ADAMTSL3: variants seen among roughly 807,000 people sequenced by gnomAD.
ADAMTSL3 encodes the protein ADAMTS-like protein 3.
In ADAMTSL3, 128 loss-of-function variants were observed where a neutral mutation model predicts 201.7. The ratio of observed to expected loss-of-function variants is 0.63; its 90% CI spans 0.55 to 0.73. The LOEUF (loss-of-function observed/expected upper bound fraction) is 0.73. ADAMTSL3 is among the 30% of genes least tolerant of loss of function. The pLI is 0.00. For synonymous variants in ADAMTSL3, 738 were observed against 748.4 expected (o/e 0.99, Z 0.23); for missense variants, 1,990 against 2,119.6 (o/e 0.94, Z 1.20).
chr15:83,997,641 T>C (rs1451250155), intron 23 of ADAMTSL3, among the ~76,000 whole-genome samples: 1 of 152,198 alleles, frequency 6.6e-6, no homozygotes, highest in Non-Finnish European at 1.5e-5. Context: ...CAAATATTAA[T>C]GTCCATTAAT....
At chr15:83,677,329 C>T (rs953635477) in intron 2 of ADAMTSL3, among the ~76,000 whole-genome samples, 8 of 152,102 alleles carry the variant, frequency 5.3e-5, no homozygotes, top group African/African-American at 1.9e-4. Context: ...TATAATCTTG[C>T]TGATTTTCTA....
In ADAMTSL3 at chr15:83,773,044, A is replaced by G. The variant is rs558943563; in HGVS notation, c.190-479A>G. 2.8e-4 allele frequency among the ~76,000 whole-genome samples: 42 copies of G among 152,320 alleles called. No homozygotes were observed. The South Asian group carries it at 8.5e-3, about 31-fold the overall frequency. On this transcript the variant is annotated intron_variant, in intron 3 of 29. Transcript: ENST00000286744. ...TATCTCGACAAAACCTTAAGGTGGA[A>G]AGGCATGCATGTGTCAACTGCTTTT...
intron 19 of ADAMTSL3, among the ~76,000 whole-genome samples, chr15:83,956,559 T>C (rs1190504103): frequency 1.3e-5 from 2 of 152,194 alleles, no homozygotes; most frequent in African/African-American, 4.8e-5. Context: ...AGTGTCTTTT[T>C]AGACTGAATC....
intron 15 of ADAMTSL3, among the ~76,000 whole-genome samples, chr15:83,907,404 TTGA>T (rs1287274009): frequency 6.6e-6 from 1 of 152,084 alleles, no homozygotes; most frequent in Non-Finnish European, 1.5e-5. Flanking sequence ...GTTGTTGTTG[TTGA>T]TGATTTTTCA....
intron 27 of ADAMTSL3, among the ~76,000 whole-genome samples, chr15:84,029,891 A>G (rs1247278888): frequency 6.6e-6 from 1 of 152,238 alleles, no homozygotes; most frequent in Admixed American, 6.5e-5. Flanking sequence ...AGGAACCAAC[A>G]TACAACTCAG....
chr15:83,855,044 G>C lies in ADAMTSL3; in HGVS notation c.728-3722G>C, dbSNP rs908436623. On this transcript the variant is annotated intron_variant, in intron 7 of 29. Transcript: ENST00000286744. Reference sequence around the variant, plus strand: ...GTGGACTTTGTGTGTGTGTGTGTCTGTGTGTGTGTGCATATGTGTCTATGT... The same window carrying C: ...GTGGACTTTGTGTGTGTGTGTGTCTCTGTGTGTGTGCATATGTGTCTATGT... Among the ~76,000 whole-genome samples the C allele has an allele frequency of 5.9e-5, 9 of 152,146 alleles. No individual in the cohort carries two copies. In the East Asian group the frequency reaches 9.6e-4, roughly 16 times the overall value.
At chr15:83,808,443 C>T (rs1304375253) in intron 5 of ADAMTSL3, among the ~76,000 whole-genome samples, 1 of 152,142 alleles carries the variant, frequency 6.6e-6, no homozygotes, top group Non-Finnish European at 1.5e-5. Context: ...CACCTCATTC[C>T]ACTTAAAATG....
intron 20 of ADAMTSL3, among the ~76,000 whole-genome samples, chr15:83,976,239 C>A (rs1051140968): frequency 6.6e-6 from 1 of 152,042 alleles, no homozygotes; most frequent in Non-Finnish European, 1.5e-5. Flanking sequence ...TTTCCAGCTA[C>A]CAATGTGATG....
In ADAMTSL3 at chr15:83,942,612, T is replaced by G. The variant is rs2066581484; in HGVS notation, c.2134T>G (p.Trp712Gly). The G allele has an allele frequency of 6.2e-7, 1 of 1,613,218 alleles. No homozygotes were observed. The highest frequency in any genetic ancestry group is 1.3e-5 in the African/African-American group (1 of 74,916). Residue 712 changes from tryptophan to glycine, a missense_variant, in exon 18 of 30, where the codon TGG becomes GGG. By Grantham distance (184) the Trp-to-Gly change is radical (BLOSUM62 -2). Coordinates refer to ENST00000286744, the MANE Select transcript of ADAMTSL3 (RefSeq NM_207517.3). ...CTGTTTTAGGTGGCATGTGGGCTCT[T>G]GGGGGCCCTGCTCAGCTACCTGTGG... ...PCPPRWHVGSWGPCSATCGVG... is the reference protein window; with the variant it reads ...PCPPRWHVGSGGPCSATCGVG...
chr15:83,787,527 T>C (rs2063283621), intron 4 of ADAMTSL3, among the ~76,000 whole-genome samples: 1 of 152,168 alleles, frequency 6.6e-6, no homozygotes, highest in Non-Finnish European at 1.5e-5. Flanking sequence ...AACATCATTT[T>C]TTTCAACAAT....
At chr15:83,700,064 C>T (rs990803438) in intron 2 of ADAMTSL3, among the ~76,000 whole-genome samples, 7 of 152,324 alleles carry the variant, frequency 4.6e-5, no homozygotes, top group East Asian at 3.9e-4. Flanking sequence ...TTGTATCTAT[C>T]GCACTGAGAA....
chr15:83,958,120 G>A (rs2066894470), intron 19 of ADAMTSL3, among the ~76,000 whole-genome samples: 2 of 152,170 alleles, frequency 1.3e-5, no homozygotes. Flanking sequence ...GCTGGGCAGC[G>A]ATAAAAAAGA....
chr15:83,756,599 GCC>G (rs35325384), intron 3 of ADAMTSL3, among the ~76,000 whole-genome samples: 4,136 of 142,782 alleles, frequency 0.029, 93 homozygotes, highest in Non-Finnish European at 0.043. Flanking sequence ...TTTCACCCCT[GCC>G]CCCCCCCCAA....
At chr15:83,801,651 AATATATATATATATAT>A (rs68098545) in intron 4 of ADAMTSL3, among the ~76,000 whole-genome samples, 7 of 31,272 alleles carry the variant, frequency 2.2e-4, no homozygotes, top group Non-Finnish European at 3.3e-4. Flanking sequence ...TATAAATATA[AATATATATATATATAT>A]ATATATATAT....
intron 9 of ADAMTSL3, 37 bp downstream of exon 9, chr15:83,870,996 A>G: frequency 6.3e-7 from 1 of 1,590,410 alleles, no homozygotes; most frequent in Non-Finnish European, 8.5e-7. Flanking sequence ...ATGTACCTGA[A>G]TCCCAGAACA....
intron 3 of ADAMTSL3, among the ~76,000 whole-genome samples, chr15:83,748,018 C>T (rs536321854): frequency 6.6e-6 from 1 of 152,096 alleles, no homozygotes; most frequent in East Asian, 1.9e-4. Flanking sequence ...CAACATTCCT[C>T]ATATGTCATT....
intron 15 of ADAMTSL3, among the ~76,000 whole-genome samples, chr15:83,906,580 A>G (rs2065836314): frequency 6.9e-6 from 1 of 145,656 alleles, no homozygotes; most frequent in Non-Finnish European, 1.5e-5. Flanking sequence ...GAAAACTGGT[A>G]ATTTTAGTAT....
At chr15:83,862,868 G>A (rs1181165686) in intron 8 of ADAMTSL3, 1 of 152,128 alleles carries the variant, frequency 6.6e-6, no homozygotes, top group Non-Finnish European at 1.5e-5. Context: ...CTGTATTCAG[G>A]AAACCCATCT....
chr15:83,840,541 A>G lies in ADAMTSL3; in HGVS notation c.727+2326A>G, dbSNP rs569000975. ...AGAACACCGTGAGGTGTTCCAGCCT[A>G]TTGTCTTTATTTGACTCTTCATTAG... On this transcript the variant is annotated intron_variant, in intron 7 of 29. Coordinates refer to ENST00000286744, the MANE Select transcript of ADAMTSL3 (RefSeq NM_207517.3). Among the ~76,000 whole-genome samples, 93 of 152,170 alleles carry G rather than the reference A, an allele frequency of 6.1e-4. 1 individual carries two copies. The highest frequency in any genetic ancestry group is 3.2e-3 in the Middle Eastern group (1 of 316).
Sources: allele counts gnomAD v4.1 joint callset (sites outside exome capture counted in the v4.1 genomes callset), GRCh38; gene constraint gnomAD v4.1.1; transcripts MANE v1.5; gene names NCBI Gene and HGNC (gene_info 2026-07-23, HGNC 2026-07-21).